CLNK: variants seen among roughly 807,000 people sequenced by gnomAD.
CLNK encodes cytokine-dependent hematopoietic cell linker.
Under a neutral mutation model 68.6 loss-of-function variants are expected in CLNK, and 74 were observed. That is an observed-to-expected ratio of 1.08 (90% CI 0.89 to 1.31). The LOEUF is 1.31. Among genes scored for constraint, CLNK ranks in the 50% most tolerant of loss-of-function variants. The probability of loss-of-function intolerance (pLI) is 0.00; values close to 1 mark genes in which losing one functional copy is unlikely to be tolerated. For synonymous variants in CLNK, 198 were observed against 172.2 expected, an observed-to-expected ratio of 1.15 and a Z score of -1.17; for missense variants, 553 against 515.3, an observed-to-expected ratio of 1.07 and a Z score of -0.71.
intron 2 of CLNK, among the ~76,000 whole-genome samples, chr4:10,600,966 A>G (rs1431017130): frequency 6.6e-6 from 1 of 152,226 alleles, no homozygotes; most frequent in African/African-American, 2.4e-5. Flanking sequence ...CGAGAACCCA[A>G]CAGACTGGGA....
chr4:10,498,168 C>T (rs916921698), intron 18 of CLNK, among the ~76,000 whole-genome samples: 4 of 151,568 alleles, frequency 2.6e-5, no homozygotes, highest in Admixed American at 2.6e-4. Flanking sequence ...GCATTCCAGC[C>T]TGGGCAACAA....
chr4:10,597,743 C>T (rs974871076), intron 3 of CLNK, among the ~76,000 whole-genome samples: 3 of 152,090 alleles, frequency 2.0e-5, no homozygotes, highest in Admixed American at 6.6e-5. Flanking sequence ...TGGAAAGAGG[C>T]CTGGCCTGCA....
chr4:10,605,350 G>A (rs1429556940), intron 2 of CLNK, among the ~76,000 whole-genome samples: 2 of 152,132 alleles, frequency 1.3e-5, no homozygotes, highest in African/African-American at 4.8e-5. Context: ...TACACAAACC[G>A]AGACGGTGGA....
At chr4:10,550,469 T>C (rs1719403479) in intron 8 of CLNK, among the ~76,000 whole-genome samples, 1 of 152,134 alleles carries the variant, frequency 6.6e-6, no homozygotes, top group Admixed American at 6.6e-5. Flanking sequence ...CACTCCAGCC[T>C]GGGCGGCACA....
Position 10,533,366 on chromosome 4 carries a change from G to C in CLNK, c.603-1083C>G, listed in dbSNP as rs576832591. 3.3e-5 allele frequency among the ~76,000 whole-genome samples: 5 copies of C among 152,298 alleles called. 1 individual carries two copies. In the South Asian group the frequency reaches 8.3e-4, roughly 25 times the overall value. On this transcript the variant is annotated intron_variant, in intron 11 of 18. Coordinates refer to ENST00000226951, the MANE Select transcript of CLNK (RefSeq NM_052964.4). ...GAAACTATGAAGGGAGTGGAGTGAG[G>C]GTATATGTTCCACTTCCCCAGTTCT...
chr4:10,707,074 C>A, the CLNK span, among the ~76,000 whole-genome samples: 1 of 152,140 alleles, frequency 6.6e-6, no homozygotes, highest in Non-Finnish European at 1.5e-5. Flanking sequence ...AGCCATCGCG[C>A]CTGGCCCCTA....
chr4:10,588,797 A>T (rs1721077188), intron 3 of CLNK, among the ~76,000 whole-genome samples: 1 of 152,080 alleles, frequency 6.6e-6, no homozygotes, highest in African/African-American at 2.4e-5. Context: ...AGGCAAATAT[A>T]CATCTATATT....
intron 2 of CLNK, among the ~76,000 whole-genome samples, chr4:10,609,959 T>C (rs1721943196): frequency 6.6e-6 from 1 of 151,606 alleles, no homozygotes; most frequent in Admixed American, 6.6e-5. Flanking sequence ...TCCGGGTCCC[T>C]TCTATTTGGC....
chr4:10,629,429 C>A (rs1347068960), intron 2 of CLNK, among the ~76,000 whole-genome samples: 1 of 152,164 alleles, frequency 6.6e-6, no homozygotes, highest in African/African-American at 2.4e-5. Flanking sequence ...GACATGCTGG[C>A]AGCCTGAGAG....
chr4:10,567,907 AAGAC>A (rs1478522430), intron 5 of CLNK, among the ~76,000 whole-genome samples: 4 of 152,242 alleles, frequency 2.6e-5, no homozygotes, highest in Non-Finnish European at 5.9e-5. Flanking sequence ...GATTTAAAAA[AAGAC>A]AGAAAATAAT....
At chr4:10,672,998 A>C (rs1724710076) in intron 1 of CLNK, among the ~76,000 whole-genome samples, 1 of 152,168 alleles carries the variant, frequency 6.6e-6, no homozygotes, top group Admixed American at 6.6e-5. Flanking sequence ...TTTCTGAGTC[A>C]ATTTTTAGCG....
chr4:10,519,279 C>G (rs1197856783), intron 15 of CLNK, among the ~76,000 whole-genome samples: 1 of 152,174 alleles, frequency 6.6e-6, no homozygotes, highest in Non-Finnish European at 1.5e-5. Context: ...TTCCATCACT[C>G]CATTCCATTC....
chr4:10,508,079 A>G, intron 16 of CLNK, 43 bp from the exon 17 acceptor site: 1 of 1,430,334 alleles, frequency 7.0e-7, no homozygotes, highest in Non-Finnish European at 9.7e-7. Context: ...GGTCAATGGG[A>G]AGTATGAATT....
intron 2 of CLNK, among the ~76,000 whole-genome samples, chr4:10,661,985 T>C (rs61796839): frequency 0.041 from 6,196 of 152,284 alleles, 185 homozygotes; most frequent in Middle Eastern, 0.099. Flanking sequence ...ATTGTTTTGT[T>C]TACCATCAAA....
intron 18 of CLNK, among the ~76,000 whole-genome samples, chr4:10,492,576 C>A (rs1200690739): frequency 6.6e-6 from 1 of 152,154 alleles, no homozygotes; most frequent in Non-Finnish European, 1.5e-5. Context: ...TTCACCAGGT[C>A]GCTCAGAGGC....
intron 8 of CLNK, among the ~76,000 whole-genome samples, chr4:10,553,131 G>T (rs746872055): frequency 1.3e-5 from 2 of 152,012 alleles, no homozygotes; most frequent in Non-Finnish European, 2.9e-5. Context: ...AGGAATATCC[G>T]CCCCAAACAA....
intron 16 of CLNK, among the ~76,000 whole-genome samples, chr4:10,508,691 G>A (rs1717420550): frequency 6.6e-6 from 1 of 152,150 alleles, no homozygotes; most frequent in Non-Finnish European, 1.5e-5. Context: ...CCCCTTGTGA[G>A]TCCAGCATCT....
At chr4:10,537,690 C>T (rs1237044164) in intron 11 of CLNK, among the ~76,000 whole-genome samples, 243 of 9,260 alleles carry the variant, frequency 0.026, 6 homozygotes, top group Admixed American at 0.077. Flanking sequence ...TTCCTTCCTT[C>T]CTTCCTTCCT....
chr4:10,654,864 A>G (rs1723900549), intron 2 of CLNK, among the ~76,000 whole-genome samples: 1 of 152,138 alleles, frequency 6.6e-6, no homozygotes, highest in Non-Finnish European at 1.5e-5. Flanking sequence ...GCGCTTTGGG[A>G]GGCCGAGGCG....
Sources: gnomAD v4.1 joint callset for allele counts (sites outside exome capture counted in the v4.1 genomes callset) on GRCh38, gnomAD v4.1.1 for gene constraint, MANE v1.5 for transcripts, NCBI Gene and HGNC (gene_info 2026-07-23, HGNC 2026-07-21) for gene names.